NDST4: variants seen among roughly 807,000 people sequenced by gnomAD.
The protein encoded by NDST4 is N-heparan sulfate sulfotransferase 4.
NDST4 carries 63 observed loss-of-function variants against 100.8 expected under a neutral mutation model. The ratio of observed to expected loss-of-function variants is 0.62; its 90% CI spans 0.51 to 0.77. The LOEUF (loss-of-function observed/expected upper bound fraction) is 0.77. Among genes scored for constraint, NDST4 ranks in the 30% least tolerant of loss-of-function variants. NDST4 has a pLI of 0.00. For synonymous variants in NDST4, 377 were observed against 361.8 expected, an observed-to-expected ratio of 1.04 and a Z score of -0.48; for missense variants, 943 against 1,018.4, an observed-to-expected ratio of 0.93 and a Z score of 1.01.
rs538438491 is a variant in NDST4, at chr4:114,837,052, G to GAAGGAACAT, written c.2286+2325_2286+2326insATGTTCCTT. Among the ~76,000 whole-genome samples, 71 of 152,070 alleles carry GAAGGAACAT rather than the reference G, an allele frequency of 4.7e-4. No individual in the cohort carries two copies. The East Asian group carries it at 0.013, about 29-fold the overall frequency. Reference sequence around the variant, plus strand: ...CCAAGTGCTTAGCTTCCTTGCATTGGGTTACAACATGTTCCTTTAGCTCAG... The same window carrying GAAGGAACAT: ...CCAAGTGCTTAGCTTCCTTGCATTGGAAGGAACATGTTACAACATGTTCCTTTAGCTCAG... On this transcript the variant is annotated intron_variant, in intron 11 of 13. Transcript: ENST00000264363.
intron 7 of NDST4, among the ~76,000 whole-genome samples, chr4:114,865,855 C>T (rs550621068): frequency 1.3e-5 from 2 of 152,170 alleles, no homozygotes; most frequent in African/African-American, 2.4e-5. Context: ...CAAAATGTTG[C>T]TTCAGTGTAA....
chr4:114,911,287 A>T (rs1038968725), intron 6 of NDST4, among the ~76,000 whole-genome samples: 4 of 151,674 alleles, frequency 2.6e-5, no homozygotes, highest in African/African-American at 9.7e-5. Flanking sequence ...TTTCTTAAAC[A>T]TGCCAAACAA....
At chr4:115,044,661 T>G in intron 2 of NDST4, among the ~76,000 whole-genome samples, 2 of 149,624 alleles carry the variant, frequency 1.3e-5, no homozygotes. Context: ...CCAAACATGT[T>G]AGGAAACAAG....
rs368392173 is a variant in NDST4, at chr4:115,008,643, T to C, written c.979-31369A>G. On this transcript the variant is annotated intron_variant, in intron 2 of 13. Transcript: ENST00000264363. Reference sequence around the variant, plus strand: ...TGGCACAAGACAGGGATGCCCTCTCTCACCACTCCTATTCAACATAGTGTT... The same window carrying C: ...TGGCACAAGACAGGGATGCCCTCTCCCACCACTCCTATTCAACATAGTGTT... 7.8e-5 allele frequency among the ~76,000 whole-genome samples: 10 copies of C among 128,596 alleles called. 5 individuals are homozygous for C. The South Asian group carries it at 3.0e-3, about 39-fold the overall frequency. 84.4% of individuals were successfully genotyped at this position (128,596 alleles called of 152,430 possible). A position where few individuals can be genotyped will look rare whatever the true frequency, so the allele number is the denominator to read the frequency against.
intron 8 of NDST4, among the ~76,000 whole-genome samples, chr4:114,852,248 AT>A (rs1723693884): frequency 6.6e-6 from 1 of 152,146 alleles, no homozygotes; most frequent in South Asian, 2.1e-4. Flanking sequence ...CTAATGATTA[AT>A]TTTTTAAAAG....
rs138957391 is a variant in NDST4 at position 114,873,850 on chromosome 4, C to T, written c.1537-2900G>A. Among the ~76,000 whole-genome samples the T allele has an allele frequency of 5.3e-3, 806 of 152,040 alleles. 10 individuals carry two copies. Among genetic ancestry groups the T allele is most frequent in the African/African-American group, 0.017 (718 of 41,506 alleles). ...GAAAAACCAGGCTGCAGGCTAAATG[C>T]CTGAAGAAAGATAATAATGTCCTAG... On this transcript the variant is annotated intron_variant, in intron 6 of 13. Coordinates refer to ENST00000264363, the MANE Select transcript of NDST4 (RefSeq NM_022569.3).
At chr4:114,905,279 A>C (rs1724925268) in intron 6 of NDST4, among the ~76,000 whole-genome samples, 1 of 151,746 alleles carries the variant, frequency 6.6e-6, no homozygotes, top group Admixed American at 6.6e-5. Context: ...TAAGTGGCTT[A>C]TCCATCTTGG....
At chr4:115,048,451 T>C (rs919988148) in intron 2 of NDST4, among the ~76,000 whole-genome samples, 4 of 152,166 alleles carry the variant, frequency 2.6e-5, no homozygotes, top group Admixed American at 2.6e-4. Flanking sequence ...GAATAAAACA[T>C]TTTATGTTTA....
intron 2 of NDST4, among the ~76,000 whole-genome samples, chr4:115,075,689 G>A (rs1309423822): frequency 6.7e-6 from 1 of 148,414 alleles, no homozygotes; most frequent in African/African-American, 2.5e-5. Context: ...GGAGGCTGAG[G>A]CAGAGAATTG....
At chr4:114,864,249 A>C (rs190070453) in intron 7 of NDST4, among the ~76,000 whole-genome samples, 18 of 152,324 alleles carry the variant, frequency 1.2e-4, no homozygotes, top group African/African-American at 4.3e-4. Flanking sequence ...CCCAGTGCTC[A>C]TGATAGAAGG....
intron 6 of NDST4, among the ~76,000 whole-genome samples, chr4:114,914,593 A>G (rs567755199): frequency 6.6e-6 from 1 of 152,320 alleles, no homozygotes; most frequent in East Asian, 1.9e-4. Context: ...CAAGCTAGGG[A>G]CTGTGTGTAG....
chr4:114,921,707 T>C (rs1725289916), intron 6 of NDST4, among the ~76,000 whole-genome samples: 2 of 152,156 alleles, frequency 1.3e-5, no homozygotes, highest in South Asian at 4.1e-4. Flanking sequence ...CGCTATTTAG[T>C]AAACTAGAAA....
intron 1 of NDST4, among the ~76,000 whole-genome samples, chr4:115,079,484 G>A (rs1481556831): frequency 2.0e-5 from 3 of 151,836 alleles, no homozygotes; most frequent in Non-Finnish European, 2.9e-5. Context: ...TTCTATACAA[G>A]CTTACTTCAT....
At chr4:114,975,286 A>C (rs1466160034) in intron 3 of NDST4, among the ~76,000 whole-genome samples, 1 of 151,660 alleles carries the variant, frequency 6.6e-6, no homozygotes. Flanking sequence ...AATAAAAATG[A>C]CATATTTATG....
At chr4:115,038,223 C>T (rs1728274029) in intron 2 of NDST4, among the ~76,000 whole-genome samples, 1 of 152,116 alleles carries the variant, frequency 6.6e-6, no homozygotes, top group African/African-American at 2.4e-5. Flanking sequence ...GTCCTATAAC[C>T]TTTCCTGCTT....
chr4:115,072,429 A>T (rs1373981539), intron 2 of NDST4, among the ~76,000 whole-genome samples: 1 of 152,050 alleles, frequency 6.6e-6, no homozygotes, highest in Non-Finnish European at 1.5e-5. Flanking sequence ...AACAAAACAA[A>T]GCAAGATATA....
intron 2 of NDST4, among the ~76,000 whole-genome samples, chr4:115,062,452 A>G (rs1322232925): frequency 6.6e-6 from 1 of 151,888 alleles, no homozygotes; most frequent in African/African-American, 2.4e-5. Context: ...TATACACACG[A>G]AAAAATGCCC....
intron 10 of NDST4, among the ~76,000 whole-genome samples, chr4:114,840,930 T>A (rs974744087): frequency 7.2e-5 from 11 of 152,200 alleles, no homozygotes; most frequent in Non-Finnish European, 1.6e-4. Flanking sequence ...TGTTGTTGTA[T>A]ATTTATTGAT....
chr4:115,061,849 G>C (rs1050491957), intron 2 of NDST4, among the ~76,000 whole-genome samples: 1 of 151,834 alleles, frequency 6.6e-6, no homozygotes, highest in Non-Finnish European at 1.5e-5. Flanking sequence ...CTTTAAAAAA[G>C]CATGGCACAC....
Sources: gnomAD v4.1 joint callset for allele counts (sites outside exome capture counted in the v4.1 genomes callset) on GRCh38, gnomAD v4.1.1 for gene constraint, MANE v1.5 for transcripts, NCBI Gene and HGNC (gene_info 2026-07-23, HGNC 2026-07-21) for gene names.